Variants in DKK2 observed in about 807,000 individuals in gnomAD.
DKK2 encodes the protein dickkopf-related protein 2.
A neutral mutation model predicts 28.1 loss-of-function variants in DKK2; 11 were observed. The ratio of observed to expected loss-of-function variants is 0.39; its 90% CI spans 0.25 to 0.65. The LOEUF (loss-of-function observed/expected upper bound fraction) is 0.65, where lower values mean the gene tolerates loss of function less well. Ranked by LOEUF, DKK2 falls within the 30% of genes least tolerant of loss-of-function variation. DKK2 has a pLI of 0.47. For synonymous variants in DKK2, 135 were observed against 126.5 expected (o/e 1.07, Z -0.45); for missense variants, 326 against 335.5 (o/e 0.97, Z 0.22).
rs1724359319 is a variant in DKK2, at chr4:106,922,418, G to A, written c.*1536C>T. ...TAAGTTTAAAAAAAGTAGTAAAGTG[G>A]TTTCAAAGAATTTAGAAACTGTGGT... On this transcript the variant is annotated 3_prime_UTR_variant, in exon 4 of 4. Coordinates refer to ENST00000285311, the MANE Select transcript of DKK2 (RefSeq NM_014421.3). 6 of 152,180 alleles carry A rather than the reference G, an allele frequency of 3.9e-5. No homozygotes were observed. The highest frequency in any genetic ancestry group is 3.9e-4 in the Admixed American group (6 of 15,260). 9.4% of individuals were successfully genotyped at this position (152,180 alleles called of 1,614,324 possible).
chr4:106,946,862 C>G lies in DKK2; in HGVS notation c.223-20913G>C, dbSNP rs1300517361. 1.5e-4 allele frequency among the ~76,000 whole-genome samples: 23 copies of G among 151,998 alleles called. 1 individual carries two copies. ...AATAGGTGCTCTACCTTCTGCTCCT[C>G]AAATCCCTAGAGCACAGATTATCCC... On this transcript the variant is annotated intron_variant, in intron 1 of 3. Transcript: ENST00000285311.
At chr4:107,004,776 T>G in intron 1 of DKK2, among the ~76,000 whole-genome samples, 1 of 152,190 alleles carries the variant, frequency 6.6e-6, no homozygotes. Context: ...TTACAGAATT[T>G]AATCACAAGG....
chr4:106,959,885 G>T (rs1403320403), intron 1 of DKK2, among the ~76,000 whole-genome samples: 2 of 151,796 alleles, frequency 1.3e-5, no homozygotes, highest in African/African-American at 4.8e-5. Flanking sequence ...GTTTGTTCAA[G>T]ATATCAATTT....
chr4:106,936,689 C>G (rs371254871), intron 1 of DKK2, among the ~76,000 whole-genome samples: 11 of 152,052 alleles, frequency 7.2e-5, no homozygotes, highest in East Asian at 1.9e-4. Context: ...TTGAAATGAA[C>G]GAAAAAATGT....
At chr4:107,012,827 C>T (rs1396421352) in intron 1 of DKK2, among the ~76,000 whole-genome samples, 1 of 151,168 alleles carries the variant, frequency 6.6e-6, no homozygotes, top group African/African-American at 2.4e-5. Flanking sequence ...TCTCCCTTGA[C>T]TCCTATCTGC....
intron 1 of DKK2, among the ~76,000 whole-genome samples, chr4:107,019,790 C>A (rs547732870): frequency 6.6e-6 from 1 of 152,088 alleles, no homozygotes; most frequent in East Asian, 1.9e-4. Flanking sequence ...TCCCTCAATA[C>A]CTTACATTAA....
intron 1 of DKK2, among the ~76,000 whole-genome samples, chr4:106,960,076 A>G (rs1369796459): frequency 6.6e-6 from 1 of 151,240 alleles, no homozygotes; most frequent in Non-Finnish European, 1.5e-5. Context: ...TAAGGAATCA[A>G]CCTAAGTATC....
At chr4:107,034,072 TG>T (rs1372426731) in intron 1 of DKK2, among the ~76,000 whole-genome samples, 6 of 152,194 alleles carry the variant, frequency 3.9e-5, no homozygotes, top group Non-Finnish European at 8.8e-5. Context: ...GGAAGAGTTC[TG>T]GAACTGCAAA....
chr4:106,988,921 G>C (rs1009736373), intron 1 of DKK2, among the ~76,000 whole-genome samples: 4 of 152,162 alleles, frequency 2.6e-5, no homozygotes, highest in African/African-American at 9.7e-5. Flanking sequence ...GGGCCAAGTA[G>C]CACTGGGATT....
rs568284513 is a variant in DKK2 at position 107,021,466 on chromosome 4, T to C, written c.222+13904A>G. Among the ~76,000 whole-genome samples the C allele has an allele frequency of 7.2e-5, 11 of 152,266 alleles. 1 individual carries two copies. The East Asian group carries it at 1.7e-3, about 24-fold the overall frequency. On this transcript the variant is annotated intron_variant, in intron 1 of 3. Coordinates refer to ENST00000285311, the MANE Select transcript of DKK2 (RefSeq NM_014421.3). Reference sequence around the variant, plus strand: ...TAAGCATGCTTGATTACAAAATCTATGACAATATTTTAAATGTGCGTCTTT... The same window carrying C: ...TAAGCATGCTTGATTACAAAATCTACGACAATATTTTAAATGTGCGTCTTT...
At chr4:106,937,587 GA>G (rs1373023201) in intron 1 of DKK2, among the ~76,000 whole-genome samples, 1 of 151,908 alleles carries the variant, frequency 6.6e-6, no homozygotes, top group African/African-American at 2.4e-5. Context: ...GGATACCCAA[GA>G]ATTGAACTCA....
intron 1 of DKK2, among the ~76,000 whole-genome samples, chr4:106,981,999 A>T (rs1034451076): frequency 1.3e-5 from 2 of 152,178 alleles, no homozygotes; most frequent in African/African-American, 4.8e-5. Context: ...GTGAATCAAT[A>T]AAATACTGTC....
intron 1 of DKK2, among the ~76,000 whole-genome samples, chr4:106,941,617 A>G (rs1456918329): frequency 6.6e-6 from 1 of 152,170 alleles, no homozygotes; most frequent in Non-Finnish European, 1.5e-5. Flanking sequence ...CAAGTACACT[A>G]TATTGTCCTT....
chr4:106,931,354 C>G (rs1344767677), intron 1 of DKK2, among the ~76,000 whole-genome samples: 1 of 151,640 alleles, frequency 6.6e-6, no homozygotes, highest in Non-Finnish European at 1.5e-5. Flanking sequence ...TATTGAACAC[C>G]AACTATGATC....
intron 1 of DKK2, among the ~76,000 whole-genome samples, chr4:106,944,040 T>C (rs924850948): frequency 3.9e-5 from 6 of 152,090 alleles, no homozygotes; most frequent in Non-Finnish European, 8.8e-5. Context: ...GCACCATCGC[T>C]ATGAGGTGTT....
intron 1 of DKK2, among the ~76,000 whole-genome samples, chr4:106,985,424 G>A (rs536384867): frequency 6.6e-6 from 1 of 152,136 alleles, no homozygotes; most frequent in South Asian, 2.1e-4. Context: ...ACCACTGAAG[G>A]AAAACGAGTG....
At chr4:106,966,799 A>G (rs1251230246) in intron 1 of DKK2, among the ~76,000 whole-genome samples, 3 of 152,154 alleles carry the variant, frequency 2.0e-5, no homozygotes. Context: ...ATTTGAAACC[A>G]ACAGATCTCA....
At chr4:106,963,150 C>T (rs958317654) in intron 1 of DKK2, among the ~76,000 whole-genome samples, 2 of 151,850 alleles carry the variant, frequency 1.3e-5, no homozygotes, top group African/African-American at 4.8e-5. Context: ...GTCAGGAGTT[C>T]GAGACCAGCC....
chr4:106,962,501 G>A (rs1722706190), intron 1 of DKK2, among the ~76,000 whole-genome samples: 1 of 54,242 alleles, frequency 1.8e-5, no homozygotes, highest in African/African-American at 1.3e-4. Flanking sequence ...ATGTGTGTGT[G>A]TGTGTGTGTG....
Sources: allele counts gnomAD v4.1 joint callset (sites outside exome capture counted in the v4.1 genomes callset), GRCh38; gene constraint gnomAD v4.1.1; transcripts MANE v1.5; gene names NCBI Gene and HGNC (gene_info 2026-07-23, HGNC 2026-07-21).